Variants in POLR3E observed in about 807,000 individuals in gnomAD.
POLR3E encodes RNA polymerase III subunit E.
Under a neutral mutation model 96.6 loss-of-function variants are expected in POLR3E, and 41 were observed. The observed-to-expected ratio is 0.42, with a 90% CI of 0.33 to 0.55. The LOEUF (loss-of-function observed/expected upper bound fraction) is 0.55, where lower values mean the gene tolerates loss of function less well. POLR3E is among the 20% of genes least tolerant of loss of function. The pLI is 0.06. For synonymous variants in POLR3E, 396 were observed against 383.6 expected (o/e 1.03, Z -0.38); for missense variants, 849 against 952.1 (o/e 0.89, Z 1.43).
chr16:22,315,674 A>ATTAT (rs1555482475), intron 9 of POLR3E, among the ~76,000 whole-genome samples: 4 of 151,730 alleles, frequency 2.6e-5, no homozygotes, highest in Middle Eastern at 3.4e-3. Flanking sequence ...TTATTTATTT[A>ATTAT]TTATTTATTT....
At position 22,324,747 on chromosome 16, in the gene POLR3E, T is replaced by C. The variant is rs562257785; in HGVS notation, c.1286+87T>C. The C allele has an allele frequency of 6.2e-5, 89 of 1,438,804 alleles. No homozygotes were observed. In the African/African-American group the frequency reaches 1.0e-3, roughly 16 times the overall value. 89.1% of individuals were successfully genotyped at this position (1,438,804 alleles called of 1,614,324 possible). A position where few individuals can be genotyped will look rare whatever the true frequency, so the allele number is the denominator to read the frequency against. On this transcript the variant is annotated intron_variant, in intron 16 of 20. Transcript: ENST00000299853. ...GCACTGTCAGGGTGGATCCGAGCAATCTCTAGAAACCCCACATCTGGGGAG... is the reference window on the plus strand; with the variant it reads ...GCACTGTCAGGGTGGATCCGAGCAACCTCTAGAAACCCCACATCTGGGGAG...
At position 22,318,894 on chromosome 16, in the gene POLR3E, CG is replaced by C. The variant is rs2048414295; in HGVS notation, c.938del (p.Gly313AlafsTer15). On this transcript the variant is annotated frameshift_variant, in exon 13 of 21. Transcript: ENST00000299853. LOFTEE classifies it high-confidence loss of function. The surrounding 1 kb of genome is among the most constrained non-coding windows in gnomAD (Gnocchi z 5.0). Reference protein sequence around the residue: ...GPSIDSVAVLRGIQKVAMLVQ... With the variant: ...GPSIDSVAVLXGIQKVAMLVQ... The stretch of plus-strand genomic sequence containing the variant: ...CTCCATCGATTCCGTGGCTGTTCTG[CG>C]GGGCATCCAGAAGGTGGCGATGTTG... 6.2e-7 allele frequency: 1 copy of C among 1,613,328 alleles called. No individual in the cohort carries two copies. Among genetic ancestry groups the C allele is most frequent in the African/African-American group, 1.3e-5 (1 of 74,774 alleles).
chr16:22,330,768 G>T (rs1054864482), intron 19 of POLR3E, among the ~76,000 whole-genome samples: 1 of 151,812 alleles, frequency 6.6e-6, no homozygotes, highest in African/African-American at 2.4e-5. Context: ...AATTTTAAGA[G>T]GCAAAGGATA....
At chr16:22,319,438 C>G (rs539399909) in intron 13 of POLR3E, among the ~76,000 whole-genome samples, 2 of 150,904 alleles carry the variant, frequency 1.3e-5, no homozygotes, top group Non-Finnish European at 3.0e-5. Flanking sequence ...TCGCTCTGTC[C>G]CACAGGCTGG....
intron 1 of POLR3E, among the ~76,000 whole-genome samples, chr16:22,301,660 T>A (rs2048025096): frequency 6.6e-6 from 1 of 152,146 alleles, no homozygotes; most frequent in African/African-American, 2.4e-5. Context: ...GCGCAGTGGC[T>A]CACGCCTGTA....
chr16:22,316,495 G>A, intron 9 of POLR3E, 106 bp from the exon 10 acceptor site: 2 of 792,170 alleles, frequency 2.5e-6, no homozygotes, highest in Non-Finnish European at 4.3e-6. Context: ...GGTTGGATGT[G>A]GTCCTGTGGC....
chr16:22,299,237 G>T (rs568008668), intron 1 of POLR3E, among the ~76,000 whole-genome samples: 1 of 152,178 alleles, frequency 6.6e-6, no homozygotes, highest in East Asian at 1.9e-4. Flanking sequence ...ACCTGGGGTG[G>T]ACTGGGGCTT....
chr16:22,301,292 T>C (rs2048014691), intron 1 of POLR3E, among the ~76,000 whole-genome samples: 1 of 152,120 alleles, frequency 6.6e-6, no homozygotes, highest in Admixed American at 6.5e-5. Context: ...ATAAAGACTT[T>C]GGCTTTTGTC....
chr16:22,328,863 C>A (rs149977386), intron 19 of POLR3E: 1 of 375,854 alleles, frequency 2.7e-6, no homozygotes, highest in East Asian at 6.4e-5. Context: ...TAGTGGCTCA[C>A]GCCTGTAATC....
At chr16:22,311,464 T>C (rs1312221196) in intron 6 of POLR3E, among the ~76,000 whole-genome samples, 2 of 151,464 alleles carry the variant, frequency 1.3e-5, no homozygotes, top group Non-Finnish European at 2.9e-5. Flanking sequence ...TGTTTAGGGT[T>C]TTTTGGGTGT....
chr16:22,330,988 CTTTTTTTTTTTTTTTTTT>C (rs56100056), intron 19 of POLR3E, among the ~76,000 whole-genome samples: 64 of 50,770 alleles, frequency 1.3e-3, no homozygotes, highest in South Asian at 5.4e-3. Context: ...ATGAAGCATC[CTTTTTTTTTTTTTTTTTT>C]TTTTTTTTTT....
At position 22,326,043 on chromosome 16, in the gene POLR3E, G is replaced by A. The variant is rs1290874133; in HGVS notation, c.1631G>A (p.Ser544Asn). Reference sequence around the variant, plus strand: ...CTCGGGCGGGCTGCGGGCACAGACAGCTTCAACGGGCACCCGCCCCAGGGC... The same window carrying A: ...CTCGGGCGGGCTGCGGGCACAGACAACTTCAACGGGCACCCGCCCCAGGGC... The part of the protein sequence containing the change: ...LPLGRAAGTD[S>N]FNGHPPQGCA... The change falls in exon 18 of 21, where the codon AGC (serine) becomes AAC (asparagine). Residue 544 changes from serine to asparagine, a missense_variant. By Grantham distance (46) the Ser-to-Asn change is conservative. Transcript: ENST00000299853. The A allele has an allele frequency of 8.1e-6, 13 of 1,605,880 alleles. No individual in the cohort carries two copies. Among genetic ancestry groups the A allele is most frequent in the Non-Finnish European group, 9.4e-6 (11 of 1,175,040 alleles).
At chr16:22,319,936 T>C (rs1023227834) in intron 13 of POLR3E, among the ~76,000 whole-genome samples, 3 of 152,194 alleles carry the variant, frequency 2.0e-5, no homozygotes, top group African/African-American at 7.2e-5. Context: ...CCTGCCTACA[T>C]TGGATTTTTA....
At position 22,313,607 on chromosome 16, in the gene POLR3E, C is replaced by T. The variant is rs921767481; in HGVS notation, c.365-13C>T. On this transcript the variant is annotated splice_polypyrimidine_tract_variant and intron_variant, in intron 6 of 20. Transcript: ENST00000299853. This position sits in a 1 kb window ranked among gnomAD's most constrained non-coding sequence, Gnocchi z 4.1. ...TTTCTAGAGTTGAGTCCAAGCCCTT[C>T]TTCCTCCGCCAGGTGAGCTCCACCT... The T allele has an allele frequency of 3.1e-6, 5 of 1,594,204 alleles. No individual in the cohort carries two copies. Among genetic ancestry groups the T allele is most frequent in the Non-Finnish European group, 4.3e-6 (5 of 1,162,080 alleles).
chr16:22,328,248 G>A (rs1039036601), intron 18 of POLR3E: 8 of 483,596 alleles, frequency 1.7e-5, no homozygotes, highest in East Asian at 7.1e-5. Flanking sequence ...ACTCGAAGCC[G>A]GGCATTTCAC....
chr16:22,327,679 G>A lies in POLR3E; in HGVS notation c.1867-831G>A, dbSNP rs184028736. On this transcript the variant is annotated intron_variant, in intron 18 of 20. Coordinates refer to ENST00000299853, the MANE Select transcript of POLR3E (RefSeq NM_018119.4). ...CAGCCACCTCTGTGTTGTACATGAG[G>A]GAGCTGAGGTCCAGGGCAAGTGAAT... The A allele has an allele frequency of 2.0e-5, 3 of 152,368 alleles. No homozygotes were observed. In the East Asian group the frequency reaches 5.8e-4, roughly 29 times the overall value. 9.4% of individuals were successfully genotyped at this position (152,368 alleles called of 1,614,324 possible).
intron 13 of POLR3E, among the ~76,000 whole-genome samples, chr16:22,320,099 C>T (rs1170469184): frequency 2.0e-5 from 3 of 152,124 alleles, no homozygotes; most frequent in East Asian, 1.9e-4. Flanking sequence ...CTGCTTTTTA[C>T]CCCATTCCAA....
intron 7 of POLR3E, 54 bp from the exon 8 acceptor site, chr16:22,314,025 G>A: frequency 6.6e-7 from 1 of 1,505,530 alleles, no homozygotes; most frequent in South Asian, 1.1e-5. Flanking sequence ...GGGGTTGAGA[G>A]AAGGGAGGTG....
At chr16:22,326,300 A>G in intron 18 of POLR3E, 22 bp downstream of exon 18, 2 of 454,030 alleles carry the variant, frequency 4.4e-6, no homozygotes, top group South Asian at 3.4e-5. Context: ...CCTGCCTGCC[A>G]GGGGCATGGG....
Sources: gnomAD v4.1 joint callset for allele counts (sites outside exome capture counted in the v4.1 genomes callset) on GRCh38, gnomAD v4.1.1 for gene constraint, Gnocchi (gnomAD v3.1) non-coding constraint, MANE v1.5 for transcripts, NCBI Gene and HGNC (gene_info 2026-07-23, HGNC 2026-07-21) for gene names.